Variants in NAALADL2 observed in about 807,000 individuals in gnomAD.
NAALADL2 encodes the protein N-acetylated alpha-linked acidic dipeptidase like 2.
In NAALADL2, 76 loss-of-function variants were observed where a neutral mutation model predicts 87.2. That is an observed-to-expected ratio of 0.87 (90% confidence interval 0.72 to 1.05). NAALADL2 has a LOEUF of 1.05. Among genes scored for constraint, NAALADL2 ranks in the 50% least tolerant of loss-of-function variants. The pLI is 0.00. For missense variants in NAALADL2, 1,089 were observed against 945.8 expected (o/e 1.15, Z -1.99); for synonymous variants, 354 against 331.0 (o/e 1.07, Z -0.75).
intron 10 of NAALADL2, among the ~76,000 whole-genome samples, chr3:175,605,644 T>G (rs924307939): frequency 1.5e-5 from 2 of 133,012 alleles, no homozygotes; most frequent in Non-Finnish European, 3.2e-5. Flanking sequence ...TTGCTTGTTT[T>G]TTTTTTTTTT....
intron 2 of NAALADL2, among the ~76,000 whole-genome samples, chr3:174,587,928 C>G (rs1173563918): frequency 1.3e-5 from 2 of 152,192 alleles, no homozygotes; most frequent in African/African-American, 4.8e-5. Flanking sequence ...GGCCTGCCTT[C>G]CTAGGTTGGG....
intron 2 of NAALADL2, among the ~76,000 whole-genome samples, chr3:174,666,297 G>A (rs1725950040): frequency 6.6e-6 from 1 of 152,112 alleles, no homozygotes; most frequent in South Asian, 2.1e-4. Context: ...TGCCATAGAT[G>A]ACAGCACAAA....
At chr3:174,958,404 C>G (rs867772005) in intron 1 of NAALADL2, among the ~76,000 whole-genome samples, 3 of 151,858 alleles carry the variant, frequency 2.0e-5, no homozygotes, top group African/African-American at 7.2e-5. Context: ...TCCAAAGTGT[C>G]AGGAATGGGA....
At position 175,550,022 on chromosome 3, in the gene NAALADL2, T is replaced by A. The variant is rs115983455; in HGVS notation, c.1654-26019T>A. ...TTTTAACAAAGAGTGAACCCTGTGGTTATGTGACAAGACAAAGAAAAAAGG... is the reference window on the plus strand; with the variant it reads ...TTTTAACAAAGAGTGAACCCTGTGGATATGTGACAAGACAAAGAAAAAAGG... On this transcript the variant is annotated intron_variant, in intron 9 of 13. Coordinates refer to ENST00000454872, the MANE Select transcript of NAALADL2 (RefSeq NM_207015.3). 8.6e-3 allele frequency among the ~76,000 whole-genome samples: 1,316 copies of A among 152,148 alleles called. 23 individuals are homozygous for A. The highest frequency in any genetic ancestry group is 0.03 in the African/African-American group (1,251 of 41,536).
At chr3:174,824,912 CATTTT>C (rs967081088) in intron 3 of NAALADL2, among the ~76,000 whole-genome samples, 10 of 152,090 alleles carry the variant, frequency 6.6e-5, no homozygotes, top group Admixed American at 1.3e-4. Flanking sequence ...TTTTTGGAGA[CATTTT>C]ATTTCAAGCA....
chr3:175,219,868 C>CT lies in NAALADL2; in HGVS notation c.546-14049dup, dbSNP rs201278819. 8.5e-3 allele frequency among the ~76,000 whole-genome samples: 984 copies of CT among 116,426 alleles called. 9 individuals are homozygous for CT. The highest frequency in any genetic ancestry group is 0.011 in the Non-Finnish European group (659 of 58,414). 76.4% of individuals were successfully genotyped at this position (116,426 alleles called of 152,430 possible). On this transcript the variant is annotated intron_variant, in intron 2 of 13. Transcript: ENST00000454872. Reference sequence around the variant, plus strand: ...TCAATAATAGTTTGTGGTTTTCTTTCTTTTTTTTTTTTTTGCCTATCTTTC... The same window carrying CT: ...TCAATAATAGTTTGTGGTTTTCTTTCTTTTTTTTTTTTTTTGCCTATCTTTC...
chr3:175,191,955 A>G (rs1738272610), intron 2 of NAALADL2, among the ~76,000 whole-genome samples: 3 of 152,094 alleles, frequency 2.0e-5, no homozygotes, highest in Admixed American at 6.5e-5. Flanking sequence ...TCCCAAATAA[A>G]CACATTTGTT....
At chr3:175,299,214 C>G (rs142160374) in intron 4 of NAALADL2, among the ~76,000 whole-genome samples, 1 of 151,988 alleles carries the variant, frequency 6.6e-6, no homozygotes, top group Non-Finnish European at 1.5e-5. Context: ...ATGCCTCCAG[C>G]TTTGTTCTTT....
chr3:175,141,079 T>A (rs1024923819), intron 2 of NAALADL2, among the ~76,000 whole-genome samples: 2 of 152,138 alleles, frequency 1.3e-5, no homozygotes, highest in Non-Finnish European at 2.9e-5. Context: ...ATGGTAGATA[T>A]GGATGTACAC....
intron 2 of NAALADL2, among the ~76,000 whole-genome samples, chr3:175,226,120 G>A (rs866891114): frequency 1.3e-5 from 2 of 152,074 alleles, no homozygotes; most frequent in Admixed American, 1.3e-4. Flanking sequence ...GAGCCCATCA[G>A]CATGCCTTCT....
chr3:174,851,830 G>T (rs1725296543), intron 3 of NAALADL2, among the ~76,000 whole-genome samples: 1 of 152,012 alleles, frequency 6.6e-6, no homozygotes, highest in Admixed American at 6.6e-5. Flanking sequence ...AATCTTCAAT[G>T]AAATATTAGC....
intron 2 of NAALADL2, among the ~76,000 whole-genome samples, chr3:175,108,360 G>A (rs1723591430): frequency 6.6e-6 from 1 of 151,924 alleles, no homozygotes; most frequent in Non-Finnish European, 1.5e-5. Context: ...CTAAATCACA[G>A]AGAGCACCTT....
rs1256597149 is a variant in NAALADL2, at chr3:174,642,748, ACATATATATATAT to A, written c.-115+92112_-115+92124del. Among the ~76,000 whole-genome samples, 5 of 39,596 alleles carry A rather than the reference ACATATATATATAT, an allele frequency of 1.3e-4. No individual in the cohort carries two copies. The Admixed American group carries it at 1.9e-3, about 15-fold the overall frequency. The allele number at this position is 39,596 out of a possible 152,430, so 26.0% of individuals were successfully genotyped here. A position where few individuals can be genotyped will look rare whatever the true frequency, so the allele number is the denominator to read the frequency against. ...AGTAATATCAGTGCCATGAAAAAAA[ACATATATATATAT>A]ATATATATATATATATATATATATA... On this transcript the variant is annotated intron_variant, in intron 2 of 3. Transcript: ENST00000434257.
intron 1 of NAALADL2, among the ~76,000 whole-genome samples, chr3:175,090,255 A>G: frequency 6.6e-6 from 1 of 152,086 alleles, no homozygotes; most frequent in East Asian, 1.9e-4. Flanking sequence ...TGTGGTAGAT[A>G]TCCTAAATAA....
At chr3:174,485,640 A>G (rs989966501) in intron 1 of NAALADL2, among the ~76,000 whole-genome samples, 29 of 151,906 alleles carry the variant, frequency 1.9e-4, no homozygotes, top group Admixed American at 1.9e-3. Flanking sequence ...GTTATTTTTC[A>G]TGGCTGCATA....
chr3:175,496,992 CTA>C (rs1728909028), intron 9 of NAALADL2, among the ~76,000 whole-genome samples: 1 of 152,044 alleles, frequency 6.6e-6, no homozygotes, highest in Admixed American at 6.6e-5. Context: ...AAATTAAAAA[CTA>C]AATATTTATA....
chr3:175,213,118 G>A (rs1271837532), intron 2 of NAALADL2, among the ~76,000 whole-genome samples: 3 of 152,284 alleles, frequency 2.0e-5, no homozygotes, highest in South Asian at 2.1e-4. Flanking sequence ...GCAACTCGGT[G>A]AAGTATGAAT....
chr3:175,189,402 A>G (rs943685310), intron 2 of NAALADL2, among the ~76,000 whole-genome samples: 6 of 152,170 alleles, frequency 3.9e-5, no homozygotes, highest in African/African-American at 1.4e-4. Flanking sequence ...TACAAAATCA[A>G]TGTACACAAA....
intron 10 of NAALADL2, among the ~76,000 whole-genome samples, chr3:175,581,391 G>A (rs528614222): frequency 2.6e-5 from 4 of 152,290 alleles, no homozygotes; most frequent in Admixed American, 6.5e-5. Context: ...GCAGTGAGCC[G>A]AGATGGCGCC....
Sources: allele counts gnomAD v4.1 joint callset (sites outside exome capture counted in the v4.1 genomes callset), GRCh38; gene constraint gnomAD v4.1.1; transcripts MANE v1.5; gene names NCBI Gene and HGNC (gene_info 2026-07-23, HGNC 2026-07-21).